XYLT1: variants seen among roughly 807,000 people sequenced by gnomAD.
XYLT1 encodes the protein xylosyltransferase 1.
XYLT1 carries 36 observed loss-of-function variants against 91.3 expected under a neutral mutation model. The ratio of observed to expected loss-of-function variants is 0.39; its 90% CI spans 0.30 to 0.52. XYLT1 has a LOEUF of 0.52. Ranked by LOEUF, XYLT1 falls within the 20% of genes least tolerant of loss-of-function variation. The probability of loss-of-function intolerance (pLI) is 0.68; values close to 1 mark genes in which losing one functional copy is unlikely to be tolerated. For synonymous variants in XYLT1, 588 were observed against 532.0 expected (o/e 1.11, Z -1.45); for missense variants, 1,242 against 1,284.5 (o/e 0.97, Z 0.51).
chr16:17,154,024 A>G (rs1312434896), intron 6 of XYLT1, among the ~76,000 whole-genome samples: 1 of 151,986 alleles, frequency 6.6e-6, no homozygotes, highest in Non-Finnish European at 1.5e-5. Context: ...AGGTAAAGCG[A>G]CTCTCAAACC....
At chr16:17,446,844 C>A (rs1305159545) in intron 1 of XYLT1, among the ~76,000 whole-genome samples, 1 of 148,646 alleles carries the variant, frequency 6.7e-6, no homozygotes, top group Non-Finnish European at 1.5e-5. Flanking sequence ...CCGCTGCTCC[C>A]TTCTCAGGGC....
At chr16:17,374,992 A>T (rs551551038) in intron 1 of XYLT1, among the ~76,000 whole-genome samples, 1 of 152,304 alleles carries the variant, frequency 6.6e-6, no homozygotes, top group African/African-American at 2.4e-5. Context: ...GTTCAGCACT[A>T]AAAATCAGGC....
chr16:17,235,507 C>T (rs556081895), intron 3 of XYLT1, among the ~76,000 whole-genome samples: 2 of 152,148 alleles, frequency 1.3e-5, no homozygotes, highest in South Asian at 2.1e-4. Context: ...ACTCCAAACT[C>T]GAAGGGCCCC....
At chr16:17,253,604 C>G (rs995463596) in intron 3 of XYLT1, among the ~76,000 whole-genome samples, 2 of 152,254 alleles carry the variant, frequency 1.3e-5, no homozygotes, top group African/African-American at 4.8e-5. Flanking sequence ...CTTGGAAACC[C>G]TCTAAGCTAA....
At chr16:17,114,294 C>T (rs1457874115) in intron 11 of XYLT1, among the ~76,000 whole-genome samples, 3 of 152,182 alleles carry the variant, frequency 2.0e-5, no homozygotes, top group African/African-American at 4.8e-5. Flanking sequence ...GTTGTGGGAA[C>T]CCCAGTTTGA....
At chr16:17,149,756 C>T (rs2031237215) in intron 6 of XYLT1, among the ~76,000 whole-genome samples, 2 of 152,260 alleles carry the variant, frequency 1.3e-5, no homozygotes, top group South Asian at 4.1e-4. Context: ...TTACTTGGCC[C>T]AAGTCTTGTG....
chr16:17,358,007 C>G lies in XYLT1; in HGVS notation c.402+5G>C. ...ATAAGTGGCCAAGACAGGAAAGATA[C>G]TTACCTGAGTCTCCAGGGTGATGAG... is the stretch of plus-strand genomic sequence containing the variant. On this transcript the variant is annotated splice_donor_5th_base_variant and intron_variant, in intron 2 of 11. Transcript: ENST00000261381. The G allele has an allele frequency of 6.2e-7, 1 of 1,613,706 alleles. No individual in the cohort carries two copies. The highest frequency in any genetic ancestry group is 8.5e-7 in the Non-Finnish European group (1 of 1,179,818).
intron 1 of XYLT1, among the ~76,000 whole-genome samples, chr16:17,394,830 C>G (rs2035863362): frequency 6.6e-6 from 1 of 152,126 alleles, no homozygotes; most frequent in Non-Finnish European, 1.5e-5. Context: ...GTATATAAAG[C>G]ATTTGTTGGG....
intron 11 of XYLT1, among the ~76,000 whole-genome samples, chr16:17,113,109 G>T (rs1966845584): frequency 6.6e-6 from 1 of 151,858 alleles, no homozygotes; most frequent in Non-Finnish European, 1.5e-5. Context: ...AAAGTGCTGG[G>T]ATTACAGGCG....
chr16:17,271,096 C>T (rs752499724), intron 2 of XYLT1, among the ~76,000 whole-genome samples: 13 of 152,156 alleles, frequency 8.5e-5, no homozygotes, highest in Admixed American at 2.0e-4. Flanking sequence ...TGTTTTGGAA[C>T]AAAATGCCTC....
intron 1 of XYLT1, among the ~76,000 whole-genome samples, chr16:17,431,316 A>G (rs1052914374): frequency 2.0e-5 from 3 of 152,176 alleles, no homozygotes; most frequent in African/African-American, 7.2e-5. Flanking sequence ...GAATCTTGTG[A>G]AAATGCAAAT....
At chr16:17,362,361 A>C (rs988744307) in intron 1 of XYLT1, among the ~76,000 whole-genome samples, 3 of 152,214 alleles carry the variant, frequency 2.0e-5, no homozygotes, top group African/African-American at 7.2e-5. Context: ...AACCATGTAA[A>C]GTTAGCTAAA....
rs71137987 is a variant in XYLT1 at position 17,379,763 on chromosome 16, T to TCA, written c.364-21715_364-21714dup. On this transcript the variant is annotated intron_variant, in intron 1 of 11. Coordinates refer to ENST00000261381, the MANE Select transcript of XYLT1 (RefSeq NM_022166.4). ...CTCTCTCTCTCTCTCTCTCTCTCTC[T>TCA]CACACACACACACACACACACACAC... Among the ~76,000 whole-genome samples the TCA allele has an allele frequency of 5.8e-3, 731 of 125,584 alleles. 9 individuals carry two copies. Among genetic ancestry groups the TCA allele is most frequent in the South Asian group, 0.048 (172 of 3,614 alleles). 82.4% of individuals were successfully genotyped at this position (125,584 alleles called of 152,430 possible). A position where few individuals can be genotyped will look rare whatever the true frequency, so the allele number is the denominator to read the frequency against.
intron 5 of XYLT1, among the ~76,000 whole-genome samples, chr16:17,163,350 A>C (rs1011948105): frequency 6.6e-6 from 1 of 152,214 alleles, no homozygotes. Context: ...TCAGGTTCCC[A>C]TAGCACCCAG....
intron 1 of XYLT1, among the ~76,000 whole-genome samples, chr16:17,460,489 C>G (rs1368972375): frequency 6.6e-6 from 1 of 152,194 alleles, no homozygotes; most frequent in Non-Finnish European, 1.5e-5. Flanking sequence ...CAAATAAGTG[C>G]AGTGAATAAG....
intron 1 of XYLT1, among the ~76,000 whole-genome samples, chr16:17,370,350 C>T (rs61662522): frequency 0.14 from 21,689 of 152,208 alleles, 2,564 homozygotes; most frequent in African/African-American, 0.32. Context: ...TTCATTTCTA[C>T]GCCTTCTGCA....
At chr16:17,347,110 A>G (rs186410882) in intron 2 of XYLT1, among the ~76,000 whole-genome samples, 1 of 152,328 alleles carries the variant, frequency 6.6e-6, no homozygotes, top group Admixed American at 6.5e-5. Context: ...TGGCTCTCAG[A>G]GGTACAAACC....
At chr16:17,259,648 T>A (rs531478870) in intron 2 of XYLT1, 150 bp from the exon 3 acceptor site, 1 of 908,422 alleles carries the variant, frequency 1.1e-6, no homozygotes, top group East Asian at 2.6e-5. Context: ...TCTGGTAAGA[T>A]GGCTCTCTCT....
chr16:17,243,228 G>A (rs1336568370), intron 3 of XYLT1, among the ~76,000 whole-genome samples: 4 of 152,088 alleles, frequency 2.6e-5, no homozygotes, highest in Non-Finnish European at 5.9e-5. Context: ...AGCCCTACAA[G>A]GTGAGAACTA....
Sources: gnomAD v4.1 joint callset for allele counts (sites outside exome capture counted in the v4.1 genomes callset) on GRCh38, gnomAD v4.1.1 for gene constraint, MANE v1.5 for transcripts, NCBI Gene and HGNC (gene_info 2026-07-23, HGNC 2026-07-21) for gene names.